KMT2D: variants seen among roughly 807,000 people sequenced by gnomAD.
KMT2D encodes the protein lysine methyltransferase 2D.
A neutral mutation model predicts 512.7 loss-of-function variants in KMT2D; 55 were observed. The observed-to-expected ratio is 0.11, with a 90% CI of 0.09 to 0.13. The LOEUF is 0.13. Among genes scored for constraint, KMT2D ranks in the 10% least tolerant of loss-of-function variants. The pLI is 1.00. For missense variants in KMT2D, 6,061 were observed against 7,127.9 expected, an observed-to-expected ratio of 0.85 and a Z score of 5.39; for synonymous variants, 2,995 against 2,904.0, an observed-to-expected ratio of 1.03 and a Z score of -1.01.
chr12:49,033,168 C>A lies in KMT2D; in HGVS notation c.11537G>T (p.Gly3846Val), dbSNP rs1565777980. 6.5e-7 allele frequency: 1 copy of A among 1,550,052 alleles called. No individual in the cohort carries two copies. The highest frequency in any genetic ancestry group is 8.7e-7 in the Non-Finnish European group (1 of 1,146,144). Residue 3846 changes from glycine to valine, a missense_variant, in exon 40 of 55, where the codon GGC becomes GTC. Around this residue, in one of 16 missense-constraint regions of KMT2D, gnomAD observed 1,600 missense variants for 1,754.9 expected, o/e 0.91. Transcript: ENST00000301067. Reference protein sequence around the residue: ...SSPQLAQQGQGLMGHRLVTAQ... With the variant: ...SSPQLAQQGQVLMGHRLVTAQ... Reference sequence around the variant, plus strand: ...TGTGACCAGCCTGTGTCCCATAAGGCCCTGACCCTGCTGTGCCAGCTGGGG... The same window carrying A: ...TGTGACCAGCCTGTGTCCCATAAGGACCTGACCCTGCTGTGCCAGCTGGGG...
rs2120475537 is a variant in KMT2D at position 49,037,201 on chromosome 12, C to T, written c.10155G>A (p.Met3385Ile). ...PVLSQKPMGT[M>I]PPSMCMKPQQ... ...GCGGCTTCATGCACATGGAAGGTGG[C>T]ATGGTGCCCATGGGCTTCTGTGATA... The change falls in exon 35 of 55, where the codon ATG becomes ATA. Residue 3385 changes from methionine to isoleucine, a missense_variant. Met to Ile is a conservative substitution (Grantham distance 10). This residue lies in a region of KMT2D where 533 missense variants were observed against 539.6 expected (regional missense o/e 0.99). Coordinates refer to ENST00000301067, the MANE Select transcript of KMT2D (RefSeq NM_003482.4). 6.2e-7 allele frequency: 1 copy of T among 1,609,688 alleles called. No homozygotes were observed. Among genetic ancestry groups the T allele is most frequent in the Non-Finnish European group, 8.5e-7 (1 of 1,176,620 alleles).
At position 49,051,046 on chromosome 12, in the gene KMT2D, C is replaced by A. The variant is rs768050121; in HGVS notation, c.2637G>T (p.Glu879Asp). ...CCCCAGGGGGAGGGAACAAGGGCAGCTCCTCAGGTGCAGGGCATTGGCCTG... is the reference window on the plus strand; with the variant it reads ...CCCCAGGGGGAGGGAACAAGGGCAGATCCTCAGGTGCAGGGCATTGGCCTG... ...EEPGQCPAPE[E>D]LPLFPPPGEP... Residue 879 changes from glutamate (E) to aspartate (D), a missense_variant, in exon 11 of 55, where the codon GAG (glutamate) becomes GAT (aspartate). Transcript: ENST00000301067. 1 of 1,545,356 alleles carries A rather than the reference C, an allele frequency of 6.5e-7. No individual in the cohort carries two copies. Among genetic ancestry groups the A allele is most frequent in the Non-Finnish European group, 8.7e-7 (1 of 1,149,138 alleles).
rs1326864075 is a variant in KMT2D, at chr12:49,031,709, A to G, written c.12996T>C (p.Thr4332=). 3.7e-6 allele frequency: 6 copies of G among 1,612,812 alleles called. No individual in the cohort carries two copies. Among genetic ancestry groups the G allele is most frequent in the Non-Finnish European group, 5.1e-6 (6 of 1,179,438 alleles). Residue 4332 remains threonine (T), a synonymous_variant, in exon 40 of 55, where the codon ACT becomes ACC. Coordinates refer to ENST00000301067, the MANE Select transcript of KMT2D (RefSeq NM_003482.4). ...QLPSPSSQLP[T]EAQLPPTHPG... ...GATGGGTGGGAGGGAGCTGGGCCTC[A>G]GTGGGAAGCTGGGAGCTGGGGGAAG...
intron 35 of KMT2D, among the ~76,000 whole-genome samples, chr12:49,036,441 A>G (rs1396630257): frequency 6.9e-6 from 1 of 145,686 alleles, no homozygotes; most frequent in Non-Finnish European, 1.5e-5. Flanking sequence ...CCTCTCGAGT[A>G]GCTGGAACTA....
intron 1 of KMT2D, among the ~76,000 whole-genome samples, chr12:49,056,518 G>A (rs1305708215): frequency 6.6e-6 from 1 of 152,238 alleles, no homozygotes; most frequent in East Asian, 1.9e-4. Context: ...GAAGGAGGGA[G>A]AAAGTGGTAA....
chr12:49,048,829 T>C, intron 13 of KMT2D, 60 bp from the exon 14 acceptor site: 1 of 1,151,262 alleles, frequency 8.7e-7, no homozygotes, highest in Non-Finnish European at 1.3e-6. Flanking sequence ...CAAGCTACTT[T>C]CCTCTTTGGT....
rs2120488569 is a variant in KMT2D at position 49,037,972 on chromosome 12, G to A, written c.9384C>T (p.His3128=). ...CAATGGTGAATTGGCAAGGAGAAGG[G>A]TGGCGTCCACCCTCCTCCACCTTGG... ...VKPKVEEGGR[H]PSPCQFTIAT... Residue 3128 remains histidine, a synonymous_variant, in exon 35 of 55, where the codon CAC becomes CAT. Coordinates refer to ENST00000301067, the MANE Select transcript of KMT2D (RefSeq NM_003482.4). 4 of 1,602,090 alleles carry A rather than the reference G, an allele frequency of 2.5e-6. No homozygotes were observed. The highest frequency in any genetic ancestry group is 3.4e-6 in the Non-Finnish European group (4 of 1,174,570).
chr12:49,036,990 C>T, intron 35 of KMT2D, 135 bp downstream of exon 35: 1 of 1,123,432 alleles, frequency 8.9e-7, no homozygotes, highest in Non-Finnish European at 1.2e-6. Context: ...GCCTCTACCA[C>T]TAGTATGATA....
In KMT2D at chr12:49,039,698, G is replaced by C. The variant is rs1943394278; in HGVS notation, c.8046+26C>G. ...CCCCAGAGACAGGAGCGATATAGGG[G>C]GCTTAGCTCCAGGGTGTCAACTTAC... On this transcript the variant is annotated intron_variant, in intron 32 of 54. Transcript: ENST00000301067. This position sits in a 1 kb window ranked among gnomAD's most constrained non-coding sequence, Gnocchi z 5.0. 6.2e-7 allele frequency: 1 copy of C among 1,608,270 alleles called. No individual in the cohort carries two copies. Among genetic ancestry groups the C allele is most frequent in the South Asian group, 1.1e-5 (1 of 90,922 alleles).
In KMT2D at chr12:49,040,114, A is replaced by G. The variant is rs774043426; in HGVS notation, c.7656T>C (p.Pro2552=). 35 of 1,613,746 alleles carry G rather than the reference A, an allele frequency of 2.2e-5. No homozygotes were observed. The highest frequency in any genetic ancestry group is 5.0e-5 in the Admixed American group (3 of 59,990). The change falls in exon 32 of 55, where the codon CCT becomes CCC. Residue 2552 remains proline (P), a synonymous_variant. Transcript: ENST00000301067. The part of the protein sequence containing the change: ...VGEPSLKPPV[P]QPGLPPPHGI... ...CATGGGGTGGCGGGAGACCAGGCTGAGGGACAGGGGGCTTTAGGGAAGGCT... is the reference window on the plus strand; with the variant it reads ...CATGGGGTGGCGGGAGACCAGGCTGGGGGACAGGGGGCTTTAGGGAAGGCT...
chr12:49,027,457 T>C (rs1314980741), intron 48 of KMT2D, 135 bp from the exon 49 acceptor site: 1 of 774,288 alleles, frequency 1.3e-6, no homozygotes, highest in Non-Finnish European at 2.0e-6. Flanking sequence ...TCTTTTCTTT[T>C]CTTTTTTTTT....
At position 49,032,644 on chromosome 12, in the gene KMT2D, G is replaced by A. The variant is rs1407665765; in HGVS notation, c.12061C>T (p.Leu4021=). 2 of 1,613,980 alleles carry A rather than the reference G, an allele frequency of 1.2e-6. No individual in the cohort carries two copies. Among genetic ancestry groups the A allele is most frequent in the South Asian group, 1.1e-5 (1 of 91,066 alleles). The change falls in exon 40 of 55, where the codon CTG becomes TTG. Residue 4021 remains leucine (L), a synonymous_variant. Coordinates refer to ENST00000301067, the MANE Select transcript of KMT2D (RefSeq NM_003482.4). ...SPGALGPTLL[L]TGKEQNTVDP... is the part of the protein sequence containing the mutation. ...ACGGTGTTTTGTTCCTTGCCCGTCA[G>A]GAGGAGGGTTGGACCCAGGGCTCCA... is the stretch of plus-strand genomic sequence containing the variant.
At chr12:49,049,539 A>G (rs1937791250) in intron 12 of KMT2D, 143 bp downstream of exon 12, 2 of 895,084 alleles carry the variant, frequency 2.2e-6, no homozygotes, top group Non-Finnish European at 3.2e-6. Context: ...TCTACGTATT[A>G]GTATTTTCTC....
In KMT2D at chr12:49,042,902, T is replaced by C. The variant is rs942117854; in HGVS notation, c.5645-24A>G. On this transcript the variant is annotated intron_variant, in intron 26 of 54. Transcript: ENST00000301067. The surrounding 1 kb of genome is among the most constrained non-coding windows in gnomAD (Gnocchi z 4.4). ...TTCTGTGGGGGAATGAAGGACACTGTTGAGGAAGACTGGGAAGTTCAGGTG... is the reference window on the plus strand; with the variant it reads ...TTCTGTGGGGGAATGAAGGACACTGCTGAGGAAGACTGGGAAGTTCAGGTG... 4 of 1,613,170 alleles carry C rather than the reference T, an allele frequency of 2.5e-6. No individual in the cohort carries two copies. The highest frequency in any genetic ancestry group is 2.7e-5 in the African/African-American group (2 of 74,872).
At position 49,054,117 on chromosome 12, in the gene KMT2D, G is replaced by A. The variant is rs774365576; in HGVS notation, c.534C>T (p.Leu178=). 1.3e-5 allele frequency: 21 copies of A among 1,611,604 alleles called. No individual in the cohort carries two copies. Among genetic ancestry groups the A allele is most frequent in the Non-Finnish European group, 1.7e-5 (20 of 1,178,804 alleles). ...ISQRCSHCTR[L]GASIPCRSPG... is the part of the protein sequence containing the mutation. ...GTGAGCGGCAAGGGATGGAGGCACC[G>A]AGCCTGGTGCAGTGGGAGCAGCGCT... The change falls in exon 6 of 55, where the codon CTC becomes CTT. Residue 178 remains leucine, a synonymous_variant. Transcript: ENST00000301067. This position sits in a 1 kb window ranked among gnomAD's most constrained non-coding sequence, Gnocchi z 6.4.
chr12:49,048,595 T>C (rs1937702253), intron 14 of KMT2D, 64 bp downstream of exon 14: 1 of 1,100,154 alleles, frequency 9.1e-7, no homozygotes, highest in African/African-American at 1.5e-5. Context: ...AGTTTTCCCA[T>C]CTATCCTCTC....
rs1938040713 is a variant in KMT2D, at chr12:49,051,676, A to G, written c.2007T>C (p.Ser669=). The change falls in exon 11 of 55, where the codon TCT becomes TCC. Residue 669 remains serine (S), a synonymous_variant. Coordinates refer to ENST00000301067, the MANE Select transcript of KMT2D (RefSeq NM_003482.4). ...VSRLSPPPEE[S]PLSPPPEESP... ...ACTCCTCAGGCGGTGGGGACAAGGG[A>G]GATTCCTCAGGCGGTGGAGACAGGC... 2 of 1,481,866 alleles carry G rather than the reference A, an allele frequency of 1.3e-6. No homozygotes were observed. Among genetic ancestry groups the G allele is most frequent in the South Asian group, 1.2e-5 (1 of 82,710 alleles). The allele number at this position is 1,481,866 out of a possible 1,614,324, so 91.8% of individuals were successfully genotyped here.
At position 49,050,291 on chromosome 12, in the gene KMT2D, C is replaced by T. The variant is rs1199432814; in HGVS notation, c.3297G>A (p.Gly1099=). The T allele has an allele frequency of 1.9e-6, 3 of 1,611,328 alleles. No homozygotes were observed. Among genetic ancestry groups the T allele is most frequent in the Non-Finnish European group, 2.5e-6 (3 of 1,178,754 alleles). ...GGCTGGGGGCGGGGCAGGAAAGGTCCCCCATTGGGGAAGGGAGAGGACTGG... is the reference window on the plus strand; with the variant it reads ...GGCTGGGGGCGGGGCAGGAAAGGTCTCCCATTGGGGAAGGGAGAGGACTGG... ...SATSPLPSPM[G]DLSCPAPSPA... The change falls in exon 12 of 55, where the codon GGG becomes GGA. Residue 1099 remains glycine (G), a synonymous_variant. Coordinates refer to ENST00000301067, the MANE Select transcript of KMT2D (RefSeq NM_003482.4).
In KMT2D at chr12:49,030,750, G is replaced by C. The variant is rs1317027250; in HGVS notation, c.13690C>G (p.Leu4564Val). ...QLKQELSLLPLTEPAITANFS... is the reference protein window; with the variant it reads ...QLKQELSLLPVTEPAITANFS... ...TTGGCGGTGATAGCAGGCTCCGTTA[G>C]GGGCAGCAGGGACAGCTCCTACAAG... Residue 4564 changes from leucine to valine, a missense_variant, in exon 42 of 55, where the codon CTA (leucine) becomes GTA (valine). Leu to Val is a conservative substitution (Grantham distance 32). Coordinates refer to ENST00000301067, the MANE Select transcript of KMT2D (RefSeq NM_003482.4). 1.2e-6 allele frequency: 2 copies of C among 1,613,658 alleles called. No individual in the cohort carries two copies. The highest frequency in any genetic ancestry group is 1.7e-6 in the Non-Finnish European group (2 of 1,179,872).
Sources: gnomAD v4.1 joint callset for allele counts (sites outside exome capture counted in the v4.1 genomes callset) on GRCh38, gnomAD v4.1.1 for gene constraint, gnomAD v4.1.1 regional missense constraint, Gnocchi (gnomAD v3.1) non-coding constraint, MANE v1.5 for transcripts, NCBI Gene and HGNC (gene_info 2026-07-23, HGNC 2026-07-21) for gene names.